Variants in ITGA9 observed in about 807,000 individuals in gnomAD.
ITGA9 encodes the protein integrin subunit alpha 9.
A neutral mutation model predicts 127.8 loss-of-function variants in ITGA9; 56 were observed. The observed-to-expected ratio is 0.44, with a 90% CI of 0.35 to 0.55. The LOEUF (loss-of-function observed/expected upper bound fraction) is 0.55, where lower values mean the gene tolerates loss of function less well. Ranked by LOEUF, ITGA9 falls within the 20% of genes least tolerant of loss-of-function variation. The pLI is 0.00. For missense variants in ITGA9, 1,196 were observed against 1,347.1 expected (o/e 0.89, Z 1.76); for synonymous variants, 508 against 514.5 (o/e 0.99, Z 0.17).
At chr3:37,639,658 C>T (rs373258229) in intron 16 of ITGA9, among the ~76,000 whole-genome samples, 8 of 151,970 alleles carry the variant, frequency 5.3e-5, no homozygotes, top group Non-Finnish European at 8.8e-5. Flanking sequence ...TTGGGGAGAT[C>T]GTAGATGTGC....
In ITGA9 at chr3:37,653,738, T is replaced by TCAGAGGACTGTGC. The variant is rs764072145; in HGVS notation, c.1866_1878dup (p.Ala627ArgfsTer12). On this transcript the variant is annotated frameshift_variant, in exon 17 of 28. Coordinates refer to ENST00000264741, the MANE Select transcript of ITGA9 (RefSeq NM_002207.3). LOFTEE classifies it high-confidence loss of function. ...GACTGTTTTTGAAAGGAATTGCCGTTCAGAGGACTGTGCCGCAGACCTGCA... is the reference window on the plus strand; with the variant it reads ...GACTGTTTTTGAAAGGAATTGCCGTTCAGAGGACTGTGCCAGAGGACTGTGCCGCAGACCTGCA... 3 of 1,613,918 alleles carry TCAGAGGACTGTGC rather than the reference T, an allele frequency of 1.9e-6. No individual in the cohort carries two copies. The highest frequency in any genetic ancestry group is 2.2e-5 in the South Asian group (2 of 91,078).
intron 17 of ITGA9, among the ~76,000 whole-genome samples, chr3:37,666,547 G>T (rs895031220): frequency 6.6e-6 from 1 of 152,112 alleles, no homozygotes; most frequent in African/African-American, 2.4e-5. Flanking sequence ...TGGTTCGCTG[G>T]CGTTCCTCCG....
intron 15 of ITGA9, among the ~76,000 whole-genome samples, chr3:37,574,670 G>C (rs764808389): frequency 6.6e-6 from 1 of 152,166 alleles, no homozygotes; most frequent in Non-Finnish European, 1.5e-5. Flanking sequence ...AAAGTTCCTT[G>C]CCGTTTCACA....
rs1246939005 is a variant in ITGA9, at chr3:37,543,081, G to T, written c.1689+496G>T. Reference sequence around the variant, plus strand: ...TATTTATTTTAGGATGCATTTTTTGGCAACCTTTCCCCTCGCACTCTAAAT... The same window carrying T: ...TATTTATTTTAGGATGCATTTTTTGTCAACCTTTCCCCTCGCACTCTAAAT... On this transcript the variant is annotated intron_variant, in intron 15 of 27. Transcript: ENST00000264741. 3.3e-5 allele frequency among the ~76,000 whole-genome samples: 5 copies of T among 152,164 alleles called. 1 individual carries two copies. Among genetic ancestry groups the T allele is most frequent in the Middle Eastern group, 3.4e-3 (1 of 294 alleles).
At chr3:37,747,929 A>G (rs1368405229) in intron 22 of ITGA9, among the ~76,000 whole-genome samples, 1 of 151,834 alleles carries the variant, frequency 6.6e-6, no homozygotes, top group Non-Finnish European at 1.5e-5. Flanking sequence ...GGTTTTAGAT[A>G]CGGGGTTTCA....
chr3:37,544,015 G>A (rs567880277), intron 15 of ITGA9, among the ~76,000 whole-genome samples: 10 of 152,364 alleles, frequency 6.6e-5, no homozygotes, highest in Non-Finnish European at 1.0e-4. Context: ...GTACAGGCTC[G>A]TATGCAAACA....
At chr3:37,509,287 T>G (rs1698877215) in intron 8 of ITGA9, among the ~76,000 whole-genome samples, 1 of 152,204 alleles carries the variant, frequency 6.6e-6, no homozygotes, top group African/African-American at 2.4e-5. Flanking sequence ...ATTAAGCCAA[T>G]TAGAGAGTCC....
intron 16 of ITGA9, among the ~76,000 whole-genome samples, chr3:37,644,451 G>C (rs548002940): frequency 1.7e-4 from 26 of 152,330 alleles, no homozygotes; most frequent in African/African-American, 6.0e-4. Context: ...TTGGAGCTGG[G>C]TGGATGATGG....
chr3:37,639,048 C>T (rs970979359), intron 16 of ITGA9, among the ~76,000 whole-genome samples: 7 of 152,084 alleles, frequency 4.6e-5, no homozygotes, highest in African/African-American at 9.7e-5. Flanking sequence ...GGATTCTGGG[C>T]GCTCTGGGGA....
chr3:37,488,577 A>C (rs891659582), intron 4 of ITGA9, among the ~76,000 whole-genome samples: 12 of 152,048 alleles, frequency 7.9e-5, no homozygotes, highest in Non-Finnish European at 1.6e-4. Context: ...CTGGCAGATC[A>C]CCTGAAGTCA....
chr3:37,678,037 T>C (rs927062966), intron 17 of ITGA9, among the ~76,000 whole-genome samples: 1 of 152,194 alleles, frequency 6.6e-6, no homozygotes, highest in African/African-American at 2.4e-5. Flanking sequence ...AACTGGGGAT[T>C]GTATGTGTAG....
At chr3:37,711,434 C>T (rs566990343) in intron 18 of ITGA9, among the ~76,000 whole-genome samples, 50 of 152,298 alleles carry the variant, frequency 3.3e-4, no homozygotes, top group African/African-American at 1.2e-3. Context: ...CAAAATCGAG[C>T]CACTAAGTCT....
Position 37,629,279 on chromosome 3 carries a change from G to C in ITGA9, c.1782G>C (p.Pro594=), listed in dbSNP as rs767325595. ...CTGGAGAGGAGGAGAGGGAACTGCCGCCTCTGACACCAGTTCTCCGCTGGA... is the reference window on the plus strand; with the variant it reads ...CTGGAGAGGAGGAGAGGGAACTGCCCCCTCTGACACCAGTTCTCCGCTGGA... The part of the protein sequence containing the change: ...HVTGEEEREL[P]PLTPVLRWKK... Residue 594 remains proline, a synonymous_variant, in exon 16 of 28, where the codon CCG becomes CCC. Coordinates refer to ENST00000264741, the MANE Select transcript of ITGA9 (RefSeq NM_002207.3). This position sits in a 1 kb window ranked among gnomAD's most constrained non-coding sequence, Gnocchi z 4.5. The C allele has an allele frequency of 6.2e-6, 10 of 1,614,056 alleles. No homozygotes were observed. In the South Asian group the frequency reaches 6.6e-5, roughly 11 times the overall value.
intron 4 of ITGA9, among the ~76,000 whole-genome samples, chr3:37,486,883 A>G (rs1242827299): frequency 2.0e-5 from 3 of 151,336 alleles, no homozygotes; most frequent in African/African-American, 7.4e-5. Context: ...GTACCACTCT[A>G]TTATCAGGGA....
chr3:37,545,193 T>C (rs1388735663), intron 15 of ITGA9, among the ~76,000 whole-genome samples: 3 of 152,130 alleles, frequency 2.0e-5, no homozygotes. Context: ...TGGAGCTTTC[T>C]CAGTGGAGCT....
intron 22 of ITGA9, chr3:37,748,639 C>T: frequency 2.0e-6 from 1 of 510,940 alleles, no homozygotes; most frequent in Non-Finnish European, 3.5e-6. Context: ...CCCAGCTACT[C>T]AGGAGGCTGA....
At chr3:37,602,740 G>T (rs1699933325) in intron 15 of ITGA9, among the ~76,000 whole-genome samples, 1 of 151,992 alleles carries the variant, frequency 6.6e-6, no homozygotes, top group Non-Finnish European at 1.5e-5. Flanking sequence ...TTCACATTAG[G>T]TGTTTCGTAT....
chr3:37,634,674 T>C (rs907158573), intron 16 of ITGA9, among the ~76,000 whole-genome samples: 2 of 152,206 alleles, frequency 1.3e-5, no homozygotes, highest in African/African-American at 4.8e-5. Flanking sequence ...TACCCCACTT[T>C]CTGCAATGGA....
At chr3:37,648,252 C>T (rs527493039) in intron 16 of ITGA9, among the ~76,000 whole-genome samples, 53 of 152,112 alleles carry the variant, frequency 3.5e-4, no homozygotes, top group South Asian at 1.5e-3. Context: ...ATTGTGACTT[C>T]GATTTGAATT....
Sources: allele counts gnomAD v4.1 joint callset (sites outside exome capture counted in the v4.1 genomes callset), GRCh38; gene constraint gnomAD v4.1.1; non-coding constraint Gnocchi (gnomAD v3.1); transcripts MANE v1.5; gene names NCBI Gene and HGNC (gene_info 2026-07-23, HGNC 2026-07-21).